ABCC9: variants seen among roughly 807,000 people sequenced by gnomAD.
ABCC9 encodes ATP binding cassette subfamily C member 9, also known as ATP-binding cassette sub-family C member 9.
Under a neutral mutation model 188.3 loss-of-function variants are expected in ABCC9, and 95 were observed. That is an observed-to-expected ratio of 0.50 (90% CI 0.43 to 0.60). ABCC9 has a LOEUF of 0.60. Among genes scored for constraint, ABCC9 ranks in the 20% least tolerant of loss-of-function variants. ABCC9 has a pLI of 0.00. For synonymous variants in ABCC9, 659 were observed against 652.7 expected (o/e 1.01, Z -0.15); for missense variants, 1,102 against 1,876.3 (o/e 0.59, Z 7.62).
chr12:21,896,628 T>G (rs1160979698), intron 12 of ABCC9, among the ~76,000 whole-genome samples: 1 of 152,154 alleles, frequency 6.6e-6, no homozygotes, highest in Non-Finnish European at 1.5e-5. Context: ...GTGTTCTCAT[T>G]ATTCAACTCC....
In ABCC9 at chr12:21,863,070, G is replaced by GAAA; in HGVS notation, c.2238-19_2238-17dup. 1 of 1,299,802 alleles carries GAAA rather than the reference G, an allele frequency of 7.7e-7. No homozygotes were observed. The highest frequency in any genetic ancestry group is 1.1e-6 in the Non-Finnish European group (1 of 934,122). 80.5% of individuals were successfully genotyped at this position (1,299,802 alleles called of 1,614,324 possible). ...CCTGTTCCTACTGAAAAATGAAAAA[G>GAAA]AAAAAAAAAAACACCAGGATTATGC... On this transcript the variant is annotated splice_polypyrimidine_tract_variant and intron_variant, in intron 19 of 39. Transcript: ENST00000261200.
intron 20 of ABCC9, among the ~76,000 whole-genome samples, chr12:21,861,566 A>G (rs974717579): frequency 2.6e-5 from 4 of 152,146 alleles, no homozygotes; most frequent in African/African-American, 9.7e-5. Context: ...TTCACGGAGC[A>G]GAAGACTGAT....
chr12:21,815,953 A>T, intron 33 of ABCC9, 60 bp from the exon 34 acceptor site: 2 of 1,381,628 alleles, frequency 1.4e-6, no homozygotes, highest in South Asian at 2.3e-5. Flanking sequence ...ATGTAGAAAG[A>T]AATGTATACA....
At chr12:21,852,028 CTTAGTAA>C (rs1944994964) in intron 24 of ABCC9, 62 bp downstream of exon 24, 13 of 1,570,168 alleles carry the variant, frequency 8.3e-6, no homozygotes, top group Middle Eastern at 1.9e-4. Context: ...AAAAAGCATT[CTTAGTAA>C]TTAGTAAATT....
chr12:21,891,990 A>G (rs1215519492), intron 14 of ABCC9, among the ~76,000 whole-genome samples: 3 of 152,180 alleles, frequency 2.0e-5, no homozygotes, highest in Non-Finnish European at 2.9e-5. Context: ...CTTACCAGTC[A>G]TCTCTGTAGG....
chr12:21,840,031 C>T (rs1224327242), intron 29 of ABCC9, among the ~76,000 whole-genome samples: 1 of 152,136 alleles, frequency 6.6e-6, no homozygotes, highest in Non-Finnish European at 1.5e-5. Flanking sequence ...AGGAAAAATA[C>T]TGTGGAAGGA....
At chr12:21,819,066 A>T (rs1467548141) in intron 31 of ABCC9, among the ~76,000 whole-genome samples, 1 of 152,186 alleles carries the variant, frequency 6.6e-6, no homozygotes, top group Admixed American at 6.6e-5. Context: ...ATTCTTTAAT[A>T]ACAGCCATAG....
intron 14 of ABCC9, among the ~76,000 whole-genome samples, chr12:21,893,317 T>G (rs1181277962): frequency 6.6e-6 from 1 of 152,226 alleles, no homozygotes; most frequent in Non-Finnish European, 1.5e-5. Context: ...TTTACAATTC[T>G]TAACCATTTT....
intron 16 of ABCC9, among the ~76,000 whole-genome samples, chr12:21,878,067 T>A (rs1946452335): frequency 6.6e-6 from 1 of 152,094 alleles, no homozygotes; most frequent in Non-Finnish European, 1.5e-5. Context: ...GGTACCAGGA[T>A]TTTGTTGTCA....
intron 31 of ABCC9, among the ~76,000 whole-genome samples, chr12:21,827,628 G>A (rs1943466457): frequency 6.6e-6 from 1 of 151,012 alleles, no homozygotes; most frequent in Non-Finnish European, 1.5e-5. Context: ...GTTTGTATAG[G>A]GTTTGGGAAT....
intron 14 of ABCC9, among the ~76,000 whole-genome samples, chr12:21,891,735 A>T (rs1419563136): frequency 6.6e-6 from 1 of 152,186 alleles, no homozygotes; most frequent in Non-Finnish European, 1.5e-5. Context: ...TTCTAAATGT[A>T]TTTAAGATTG....
At chr12:21,881,289 T>C (rs1205247661) in intron 16 of ABCC9, among the ~76,000 whole-genome samples, 1 of 152,200 alleles carries the variant, frequency 6.6e-6, no homozygotes, top group Non-Finnish European at 1.5e-5. Flanking sequence ...TTCAAAAATA[T>C]ATTATTACCA....
intron 9 of ABCC9, 89 bp from the exon 10 acceptor site, chr12:21,910,401 T>A (rs1380801303): frequency 1.5e-6 from 2 of 1,355,724 alleles, no homozygotes; most frequent in Admixed American, 2.3e-5. Context: ...AACAAACATT[T>A]AATTTTTTTG....
chr12:21,872,785 A>G, intron 17 of ABCC9, 55 bp from the exon 18 acceptor site: 1 of 1,286,576 alleles, frequency 7.8e-7, no homozygotes, highest in Non-Finnish European at 1.1e-6. Context: ...TTGGTGAAAT[A>G]ACATCAAAAC....
intron 16 of ABCC9, among the ~76,000 whole-genome samples, chr12:21,879,009 A>G (rs1946503175): frequency 6.6e-6 from 1 of 152,234 alleles, no homozygotes. Context: ...AGGTACAATG[A>G]TGATCATCAT....
intron 5 of ABCC9, chr12:21,924,838 A>C (rs1592248193): frequency 2.0e-5 from 3 of 152,206 alleles, no homozygotes; most frequent in Admixed American, 2.0e-4. Flanking sequence ...CTTTCTATTA[A>C]GATAATTCAA....
In ABCC9 at chr12:21,800,830, A is replaced by T. The variant is rs961459071; in HGVS notation, c.*214T>A. 1.8e-6 allele frequency: 1 copy of T among 564,818 alleles called. No individual in the cohort carries two copies. The highest frequency in any genetic ancestry group is 1.9e-5 in the African/African-American group (1 of 53,076). 35.0% of individuals were successfully genotyped at this position (564,818 alleles called of 1,614,324 possible). On this transcript the variant is annotated 3_prime_UTR_variant, in exon 40 of 40. Transcript: ENST00000261200. ...ACAACCTAGCTATTCTTAAAGCTAG[A>T]GTGGCTGGATCACTATAAAAACATC...
intron 5 of ABCC9, among the ~76,000 whole-genome samples, chr12:21,919,742 G>A (rs1440297662): frequency 6.6e-6 from 1 of 151,932 alleles, no homozygotes; most frequent in Non-Finnish European, 1.5e-5. Flanking sequence ...GAAAAATAGA[G>A]AGAAAACACT....
At chr12:21,807,137 T>C (rs1941912615) in intron 38 of ABCC9, among the ~76,000 whole-genome samples, 1 of 152,212 alleles carries the variant, frequency 6.6e-6, no homozygotes, top group Admixed American at 6.6e-5. Context: ...TTTATGTTGA[T>C]TGGTGATAGG....
Sources: allele counts gnomAD v4.1 joint callset (sites outside exome capture counted in the v4.1 genomes callset), GRCh38; gene constraint gnomAD v4.1.1; transcripts MANE v1.5; gene names NCBI Gene and HGNC (gene_info 2026-07-23, HGNC 2026-07-21).